Variants in NBAS observed in about 807,000 individuals in gnomAD.
The protein encoded by NBAS is NAG/BC035112 fusion.
NBAS carries 219 observed loss-of-function variants against 302.5 expected under a neutral mutation model. That is an observed-to-expected ratio of 0.72 (90% CI 0.65 to 0.81). The LOEUF (loss-of-function observed/expected upper bound fraction) is 0.81, where lower values mean the gene tolerates loss of function less well. NBAS is among the 30% of genes least tolerant of loss of function. The pLI is 0.00. For missense variants in NBAS, 2,932 were observed against 2,841.6 expected (o/e 1.03, Z -0.72); for synonymous variants, 1,118 against 1,021.6 (o/e 1.09, Z -1.80).
the NBAS span, among the ~76,000 whole-genome samples, chr2:14,818,175 G>T: frequency 6.6e-6 from 1 of 152,062 alleles, no homozygotes; most frequent in Non-Finnish European, 1.5e-5. Flanking sequence ...TGGAACCATG[G>T]TTTCTTTAGA....
intron 2 of NBAS, among the ~76,000 whole-genome samples, chr2:15,557,472 A>G (rs941814977): frequency 3.3e-5 from 5 of 152,172 alleles, no homozygotes; most frequent in African/African-American, 9.7e-5. Flanking sequence ...ATTTGTACAC[A>G]TTTTCTAAAT....
At chr2:14,898,886 G>A in the NBAS span, among the ~76,000 whole-genome samples, 3 of 152,118 alleles carry the variant, frequency 2.0e-5, no homozygotes, top group African/African-American at 7.2e-5. Flanking sequence ...TGTCTCTATG[G>A]TTCTGTAGCT....
At position 15,503,983 on chromosome 2, in the gene NBAS, C is replaced by A. The variant is rs3732002; in HGVS notation, c.954+162G>T. 0.52 allele frequency among the ~76,000 whole-genome samples: 79,300 copies of A among 151,426 alleles called. 21,664 individuals carry two copies. Among genetic ancestry groups the A allele is most frequent in the Middle Eastern group, 0.62 (181 of 294 alleles). On this transcript the variant is annotated intron_variant, in intron 11 of 51. Transcript: ENST00000281513. ...CAGTAAAATATAAAAATCTTCAGCA[C>A]CAGCTCTATGAATTCTTACTAATGC...
At chr2:15,360,837 A>G (rs1051575320) in intron 32 of NBAS, among the ~76,000 whole-genome samples, 1 of 152,104 alleles carries the variant, frequency 6.6e-6, no homozygotes, top group Non-Finnish European at 1.5e-5. Context: ...TATGATATCA[A>G]TGCCTTCTGG....
chr2:14,996,986 C>T, the NBAS span, among the ~76,000 whole-genome samples: 1 of 152,134 alleles, frequency 6.6e-6, no homozygotes, highest in African/African-American at 2.4e-5. Flanking sequence ...GAAAACAAGA[C>T]TGTGCTTGAA....
intron 21 of NBAS, among the ~76,000 whole-genome samples, chr2:15,438,966 T>C (rs1219799554): frequency 6.6e-6 from 1 of 152,050 alleles, no homozygotes; most frequent in Non-Finnish European, 1.5e-5. Context: ...ATCTGTAGGG[T>C]AACAGGTTTT....
chr2:15,338,698 C>CAT, intron 35 of NBAS, among the ~76,000 whole-genome samples: 1 of 151,572 alleles, frequency 6.6e-6, no homozygotes, highest in Admixed American at 6.6e-5. Flanking sequence ...CACACACACA[C>CAT]ACACACACAC....
chr2:15,209,825 C>G (rs1407178263), intron 48 of NBAS, among the ~76,000 whole-genome samples: 12 of 152,102 alleles, frequency 7.9e-5, no homozygotes. Context: ...ATCCAAGCAT[C>G]TACAGTAAAC....
At chr2:14,924,925 T>C in the NBAS span, among the ~76,000 whole-genome samples, 1 of 152,208 alleles carries the variant, frequency 6.6e-6, no homozygotes, top group Non-Finnish European at 1.5e-5. Context: ...TCCACCTTAA[T>C]CTGAATTATT....
At chr2:14,902,476 AAGGAG>A in the NBAS span, among the ~76,000 whole-genome samples, 2 of 152,206 alleles carry the variant, frequency 1.3e-5, no homozygotes, top group Non-Finnish European at 2.9e-5. Context: ...AAGAGGAAGT[AAGGAG>A]AGAAGGAGAG....
intron 9 of NBAS, among the ~76,000 whole-genome samples, chr2:15,514,796 T>C (rs1363505494): frequency 3.9e-5 from 6 of 152,168 alleles, no homozygotes; most frequent in Admixed American, 3.3e-4. Flanking sequence ...CCAGATTTTT[T>C]ATGTCCTGGG....
At chr2:15,030,154 C>A in the NBAS span, among the ~76,000 whole-genome samples, 1 of 152,202 alleles carries the variant, frequency 6.6e-6, no homozygotes, top group Admixed American at 6.5e-5. Flanking sequence ...AGAAAATCAT[C>A]TTCTGGGAAA....
At chr2:15,175,156 C>CG (rs1158829574) in intron 51 of NBAS, among the ~76,000 whole-genome samples, 1 of 152,026 alleles carries the variant, frequency 6.6e-6, no homozygotes, top group Admixed American at 6.6e-5. Flanking sequence ...TTAGTGGAGA[C>CG]GGGGTTTCAC....
chr2:15,467,564 TTGCTAA>T, intron 18 of NBAS, 94 bp downstream of exon 18: 1 of 1,344,902 alleles, frequency 7.4e-7, no homozygotes, highest in Non-Finnish European at 1.1e-6. Flanking sequence ...TTGATCTAAG[TTGCTAA>T]AATAATTTGG....
the NBAS span, among the ~76,000 whole-genome samples, chr2:15,032,214 G>A: frequency 1.3e-5 from 2 of 152,224 alleles, no homozygotes; most frequent in African/African-American, 2.4e-5. Context: ...CGCTGTAACA[G>A]TGCCTACAAA....
At chr2:14,964,218 C>T in the NBAS span, among the ~76,000 whole-genome samples, 1 of 152,100 alleles carries the variant, frequency 6.6e-6, no homozygotes, top group East Asian at 1.9e-4. Context: ...AGAAACCATC[C>T]AGAACTGACA....
At position 15,261,034 on chromosome 2, in the gene NBAS, G is replaced by T. The variant is rs906408476; in HGVS notation, c.5724+14450C>A. Among the ~76,000 whole-genome samples, 7 of 152,150 alleles carry T rather than the reference G, an allele frequency of 4.6e-5. No individual in the cohort carries two copies. In the East Asian group the frequency reaches 1.3e-3, roughly 29 times the overall value. On this transcript the variant is annotated intron_variant, in intron 44 of 51. Coordinates refer to ENST00000281513, the MANE Select transcript of NBAS (RefSeq NM_015909.4). Reference sequence around the variant, plus strand: ...ATAACTCAGAGTTTTTAAAGCACCTGTAAATCTGCTCTGATGATAACAGGA... The same window carrying T: ...ATAACTCAGAGTTTTTAAAGCACCTTTAAATCTGCTCTGATGATAACAGGA...
the NBAS span, among the ~76,000 whole-genome samples, chr2:15,028,154 C>A: frequency 6.6e-6 from 1 of 152,146 alleles, no homozygotes. Context: ...TTGAGAAAGT[C>A]ATCAGGAACT....
the NBAS span, among the ~76,000 whole-genome samples, chr2:14,924,054 C>T: frequency 6.6e-6 from 1 of 152,186 alleles, no homozygotes; most frequent in Non-Finnish European, 1.5e-5. Flanking sequence ...TAAAGAATCT[C>T]ACACAGAATA....
Sources: gnomAD v4.1 joint callset for allele counts (sites outside exome capture counted in the v4.1 genomes callset) on GRCh38, gnomAD v4.1.1 for gene constraint, MANE v1.5 for transcripts, NCBI Gene and HGNC (gene_info 2026-07-23, HGNC 2026-07-21) for gene names.